GALNT14: variants seen among roughly 807,000 people sequenced by gnomAD.
GALNT14 encodes UDP-GalNAc:polypeptide N-acetylgalactosaminyltransferase 14.
Under a neutral mutation model 77.5 loss-of-function variants are expected in GALNT14, and 60 were observed. The ratio of observed to expected loss-of-function variants is 0.77; its 90% CI spans 0.63 to 0.96. The LOEUF is 0.96. GALNT14 is among the 40% of genes least tolerant of loss of function. The pLI, the probability that GALNT14 is intolerant of heterozygous loss-of-function variation, is 0.00. For synonymous variants in GALNT14, 280 were observed against 281.7 expected (o/e 0.99, Z 0.06); for missense variants, 710 against 731.0 (o/e 0.97, Z 0.33).
At chr2:31,016,873 C>T (rs976927677) in intron 1 of GALNT14, among the ~76,000 whole-genome samples, 1 of 152,200 alleles carries the variant, frequency 6.6e-6, no homozygotes, top group African/African-American at 2.4e-5. Context: ...AGACACAAAG[C>T]ACTACCTACA....
At chr2:30,918,189 C>A (rs184274945) in intron 13 of GALNT14, among the ~76,000 whole-genome samples, 141 of 152,350 alleles carry the variant, frequency 9.3e-4, no homozygotes, top group African/African-American at 3.0e-3. Context: ...GTCCTTTCCT[C>A]CCATGTGGCA....
At chr2:31,079,604 C>T (rs1046927200) in intron 1 of GALNT14, among the ~76,000 whole-genome samples, 12 of 152,178 alleles carry the variant, frequency 7.9e-5, no homozygotes, top group African/African-American at 2.9e-4. Context: ...GCCACCAGAC[C>T]TCCCTGTAAG....
chr2:31,128,663 C>A (rs371251824), intron 1 of GALNT14, among the ~76,000 whole-genome samples: 1 of 151,662 alleles, frequency 6.6e-6, no homozygotes, highest in South Asian at 2.1e-4. Flanking sequence ...AGCAGGGCAG[C>A]GTGGGCTCCT....
At chr2:30,957,382 C>T (rs1346797279) in intron 4 of GALNT14, among the ~76,000 whole-genome samples, 4 of 152,092 alleles carry the variant, frequency 2.6e-5, no homozygotes, top group African/African-American at 9.7e-5. Flanking sequence ...GCTCCAGAGT[C>T]CATGTTTTAA....
chr2:31,083,189 G>T (rs1862978), intron 1 of GALNT14, among the ~76,000 whole-genome samples: 90,121 of 151,998 alleles, frequency 0.59, 27,503 homozygotes, highest in African/African-American at 0.75. Context: ...TGGTTGACAA[G>T]TCTGTCCCTG....
At chr2:30,890,939 C>A in the GALNT14 span, among the ~76,000 whole-genome samples, 2 of 152,068 alleles carry the variant, frequency 1.3e-5, no homozygotes, top group African/African-American at 4.8e-5. Context: ...CAGGTAAGTC[C>A]ATAAAGCCAG....
chr2:30,990,090 T>C (rs1669609604), intron 2 of GALNT14, among the ~76,000 whole-genome samples: 1 of 152,094 alleles, frequency 6.6e-6, no homozygotes, highest in African/African-American at 2.4e-5. Flanking sequence ...GGGATGTCTA[T>C]GGCAAGGTGG....
intron 9 of GALNT14, among the ~76,000 whole-genome samples, chr2:30,937,437 G>A (rs1313227343): frequency 6.6e-6 from 1 of 152,180 alleles, no homozygotes; most frequent in African/African-American, 2.4e-5. Context: ...CTTTCTGAAG[G>A]CTCTGAAGAT....
At chr2:30,974,029 C>A (rs766721447) in intron 2 of GALNT14, among the ~76,000 whole-genome samples, 1 of 152,130 alleles carries the variant, frequency 6.6e-6, no homozygotes, top group African/African-American at 2.4e-5. Flanking sequence ...CAGTGCCTAC[C>A]TCCTTTAACC....
chr2:31,061,265 C>T (rs1338116341), intron 1 of GALNT14, among the ~76,000 whole-genome samples: 1 of 152,200 alleles, frequency 6.6e-6, no homozygotes, highest in Non-Finnish European at 1.5e-5. Context: ...AAGTTCCTGT[C>T]TCCATCCAGC....
chr2:30,988,207 C>A (rs1307749040), intron 2 of GALNT14, among the ~76,000 whole-genome samples: 1 of 152,196 alleles, frequency 6.6e-6, no homozygotes, highest in Non-Finnish European at 1.5e-5. Context: ...ACAAGGAAAG[C>A]ACTGTAGGAG....
downstream of GALNT14, among the ~76,000 whole-genome samples, chr2:30,905,856 G>A (rs1179362105): frequency 7.2e-5 from 11 of 151,842 alleles, no homozygotes; most frequent in African/African-American, 9.7e-5. Context: ...GACTAACAGC[G>A]GATCTCTCGG....
chr2:31,085,840 G>C (rs1170429913), intron 1 of GALNT14, among the ~76,000 whole-genome samples: 1 of 152,202 alleles, frequency 6.6e-6, no homozygotes, highest in Non-Finnish European at 1.5e-5. Flanking sequence ...AAAGAGAAAG[G>C]TTTGCTGGAC....
Position 30,926,999 on chromosome 2 carries a change from T to C in GALNT14, c.1152-2176A>G, listed in dbSNP as rs115855657. Reference sequence around the variant, plus strand: ...TTGTAGTTTGTTTTCTTTCCTCCCCTTCCTATTTTTTTTTCTTAAGATGTA... The same window carrying C: ...TTGTAGTTTGTTTTCTTTCCTCCCCCTCCTATTTTTTTTTCTTAAGATGTA... On this transcript the variant is annotated intron_variant, in intron 11 of 14. Coordinates refer to ENST00000349752, the MANE Select transcript of GALNT14 (RefSeq NM_024572.4). Among the ~76,000 whole-genome samples, 713 of 152,260 alleles carry C rather than the reference T, an allele frequency of 4.7e-3. 4 individuals carry two copies. The highest frequency in any genetic ancestry group is 0.016 in the African/African-American group (679 of 41,536).
intron 1 of GALNT14, among the ~76,000 whole-genome samples, chr2:31,100,597 A>G (rs1444447944): frequency 6.6e-6 from 1 of 151,990 alleles, no homozygotes; most frequent in African/African-American, 2.4e-5. Flanking sequence ...GAGGAGTAAC[A>G]GTACTAATAG....
At chr2:30,934,414 A>G (rs1375564858) in intron 9 of GALNT14, among the ~76,000 whole-genome samples, 1 of 152,238 alleles carries the variant, frequency 6.6e-6, no homozygotes, top group African/African-American at 2.4e-5. Context: ...CTCGCTAGAT[A>G]TAACTTACAC....
intron 1 of GALNT14, among the ~76,000 whole-genome samples, chr2:31,080,174 C>G (rs1370107471): frequency 2.0e-5 from 3 of 152,150 alleles, no homozygotes; most frequent in African/African-American, 4.8e-5. Flanking sequence ...GTGGGTCTGG[C>G]CACCTGAAAA....
At chr2:31,075,081 G>A (rs1283659817) in intron 1 of GALNT14, among the ~76,000 whole-genome samples, 1 of 152,222 alleles carries the variant, frequency 6.6e-6, no homozygotes, top group Admixed American at 6.5e-5. Flanking sequence ...TCCTTGTGAT[G>A]AGAGTGAGCT....
the GALNT14 span, among the ~76,000 whole-genome samples, chr2:30,904,576 G>C: frequency 6.6e-6 from 1 of 152,210 alleles, no homozygotes; most frequent in Non-Finnish European, 1.5e-5. Flanking sequence ...ACGGAGTCTC[G>C]CTGACTGCTA....
Sources: allele counts gnomAD v4.1 joint callset (sites outside exome capture counted in the v4.1 genomes callset), GRCh38; gene constraint gnomAD v4.1.1; transcripts MANE v1.5; gene names NCBI Gene and HGNC (gene_info 2026-07-23, HGNC 2026-07-21).